The following PLB1 variants were observed in gnomAD, a reference collection of about 807,000 sequenced individuals.
PLB1 encodes phospholipase B1, membrane-associated.
Under a neutral mutation model 227.4 loss-of-function variants are expected in PLB1, and 242 were observed. That is an observed-to-expected ratio of 1.06 (90% CI 0.96 to 1.18). The LOEUF (loss-of-function observed/expected upper bound fraction) is 1.18. PLB1 is among the 50% of genes most tolerant of loss of function. The pLI is 0.00. For synonymous variants in PLB1, 757 were observed against 682.2 expected (o/e 1.11, Z -1.71); for missense variants, 1,858 against 1,816.3 (o/e 1.02, Z -0.42).
intron 43 of PLB1, among the ~76,000 whole-genome samples, chr2:28,612,212 A>AT (rs1355249313): frequency 1.3e-5 from 2 of 152,156 alleles, no homozygotes; most frequent in African/African-American, 2.4e-5. Flanking sequence ...AGACCAGGGA[A>AT]AGGGGAGACT....
intron 41 of PLB1, among the ~76,000 whole-genome samples, chr2:28,605,299 A>C (rs1033778649): frequency 6.6e-6 from 1 of 152,144 alleles, no homozygotes; most frequent in African/African-American, 2.4e-5. Context: ...GTGAGGACTG[A>C]GGTCTGTCCC....
chr2:28,522,110 A>T (rs181875796), intron 4 of PLB1, among the ~76,000 whole-genome samples: 1 of 147,476 alleles, frequency 6.8e-6, no homozygotes, highest in African/African-American at 2.5e-5. Context: ...CTTGGCTTGG[A>T]CTCCCTGCCC....
rs962406646 is a variant in PLB1, at chr2:28,640,981, A to T, written c.4153A>T (p.Lys1385Ter). ...CAACAACTTCACCCACAGCCGAGCC[A>T]AACTCAAGTGCCCCTCTCCTGTGAG... ...TSNNFTHSRAKLKCPSPESPY... is the reference protein window; with the variant it reads ...TSNNFTHSRA The change falls in exon 57 of 58, where the codon AAA (lysine) becomes TAA (stop). Residue 1385 changes from lysine (K) to a stop codon, truncating the protein, a stop_gained. Coordinates refer to ENST00000327757, the MANE Select transcript of PLB1 (RefSeq NM_153021.5). LOFTEE classifies it low-confidence loss of function (END_TRUNC). The T allele has an allele frequency of 6.2e-7, 1 of 1,613,726 alleles. No individual in the cohort carries two copies. The highest frequency in any genetic ancestry group is 1.3e-5 in the African/African-American group (1 of 74,920).
chr2:28,581,095 A>AT (rs1679855241), intron 23 of PLB1, among the ~76,000 whole-genome samples: 1 of 152,176 alleles, frequency 6.6e-6, no homozygotes, highest in Non-Finnish European at 1.5e-5. Flanking sequence ...CATATGTTCC[A>AT]TACAGCAGGG....
intron 42 of PLB1, among the ~76,000 whole-genome samples, chr2:28,606,288 C>T (rs1365086485): frequency 1.3e-5 from 2 of 152,198 alleles, no homozygotes; most frequent in East Asian, 1.9e-4. Flanking sequence ...GCTAGAGAAG[C>T]ATGACGAGTC....
intron 53 of PLB1, among the ~76,000 whole-genome samples, chr2:28,629,731 T>C (rs908354397): frequency 6.6e-6 from 1 of 152,170 alleles, no homozygotes. Flanking sequence ...TCTTATTCCA[T>C]CCTTGATGGG....
At chr2:28,501,519 TAA>T (rs1166366952) in intron 1 of PLB1, among the ~76,000 whole-genome samples, 1 of 152,204 alleles carries the variant, frequency 6.6e-6, no homozygotes, top group Non-Finnish European at 1.5e-5. Flanking sequence ...TGCTTTTTAC[TAA>T]GTCTTTTCAA....
Position 28,548,910 on chromosome 2 carries a change from G to C in PLB1, c.987G>C (p.Arg329Ser). The C allele has an allele frequency of 6.2e-7, 1 of 1,614,000 alleles. No individual in the cohort carries two copies. Among genetic ancestry groups the C allele is most frequent in the Non-Finnish European group, 8.5e-7 (1 of 1,179,992 alleles). ...AGCCATTGAGTGTAAAACACGGGAG[G>C]CCAATGAAGTGTCCCTCTCAGGTAG... ...KDEPLSVKHG[R>S]PMKCPSQESP... The change falls in exon 15 of 58, where the codon AGG becomes AGC. Residue 329 changes from arginine to serine, a missense_variant. Arg to Ser is a moderately radical substitution (Grantham distance 110). Coordinates refer to ENST00000327757, the MANE Select transcript of PLB1 (RefSeq NM_153021.5).
At chr2:28,548,556 T>C (rs1673661264) in intron 14 of PLB1, 1 of 498,618 alleles carries the variant, frequency 2.0e-6, no homozygotes, top group Non-Finnish European at 4.0e-6. Context: ...AGCTTTTCCT[T>C]CTAGGAGAGG....
At chr2:28,540,612 A>G (rs1672352737) in intron 12 of PLB1, among the ~76,000 whole-genome samples, 171 bp downstream of exon 12, 1 of 152,200 alleles carries the variant, frequency 6.6e-6, no homozygotes, top group South Asian at 2.1e-4. Context: ...ACATCGTGGT[A>G]GTGATTTCAG....
chr2:28,543,824 G>A (rs907924622), intron 14 of PLB1, among the ~76,000 whole-genome samples: 1 of 152,214 alleles, frequency 6.6e-6, no homozygotes, highest in African/African-American at 2.4e-5. Context: ...CTGGCCTGTA[G>A]TAAGCACTCC....
rs561104382 is a variant in PLB1, at chr2:28,621,269, T to A, written c.3527+291T>A. 4.6e-5 allele frequency among the ~76,000 whole-genome samples: 7 copies of A among 152,176 alleles called. No homozygotes were observed. The East Asian group carries it at 1.4e-3, about 29-fold the overall frequency. On this transcript the variant is annotated intron_variant, in intron 49 of 57. Transcript: ENST00000327757. ...CTCTGACCACTGTGCTATTACCGCC[T>A]CTCCAGGGCAGCAGGAGGCGCACAT...
At chr2:28,587,332 A>G (rs1681065956) in intron 26 of PLB1, among the ~76,000 whole-genome samples, 1 of 152,152 alleles carries the variant, frequency 6.6e-6, no homozygotes, top group African/African-American at 2.4e-5. Flanking sequence ...AATCAAAATC[A>G]ATGCTGGGCG....
At chr2:28,536,268 A>G (rs1012653513) in intron 9 of PLB1, among the ~76,000 whole-genome samples, 3 of 152,220 alleles carry the variant, frequency 2.0e-5, no homozygotes, top group African/African-American at 4.8e-5. Context: ...AGGTGTGACA[A>G]TGACTCTGAA....
chr2:28,581,840 G>C lies in PLB1; in HGVS notation c.1567-228G>C, dbSNP rs11695041. Reference sequence around the variant, plus strand: ...GCCAGGTGTGGTGGCACGCACCCATGGTCCCAGTTACTTGGGAGGCTGAGG... The same window carrying C: ...GCCAGGTGTGGTGGCACGCACCCATCGTCCCAGTTACTTGGGAGGCTGAGG... On this transcript the variant is annotated intron_variant, in intron 23 of 57. Coordinates refer to ENST00000327757, the MANE Select transcript of PLB1 (RefSeq NM_153021.5). Among the ~76,000 whole-genome samples the C allele has an allele frequency of 4.3e-3, 649 of 151,950 alleles. 6 individuals are homozygous for C. Among genetic ancestry groups the C allele is most frequent in the Non-Finnish European group, 4.6e-3 (311 of 67,932 alleles).
At chr2:28,567,609 G>C (rs185742866) in intron 20 of PLB1, among the ~76,000 whole-genome samples, 1 of 151,598 alleles carries the variant, frequency 6.6e-6, no homozygotes, top group African/African-American at 2.4e-5. Flanking sequence ...GAGTAGCTGG[G>C]ACTACAGGCC....
intron 12 of PLB1, 74 bp from the exon 13 acceptor site, chr2:28,541,633 G>C (rs1414460131): frequency 1.8e-6 from 2 of 1,121,066 alleles, no homozygotes; most frequent in East Asian, 4.9e-5. Flanking sequence ...TGCCGAGAAT[G>C]ATTTGGTCAG....
chr2:28,537,347 G>A (rs1572829762), intron 9 of PLB1, among the ~76,000 whole-genome samples: 2 of 152,256 alleles, frequency 1.3e-5, no homozygotes, highest in East Asian at 3.9e-4. Context: ...CTGTTTGTTA[G>A]GGGACAAACT....
rs1283731808 is a variant in PLB1 at position 28,548,794 on chromosome 2, C to G, written c.937-66C>G. On this transcript the variant is annotated intron_variant, in intron 14 of 57. Coordinates refer to ENST00000327757, the MANE Select transcript of PLB1 (RefSeq NM_153021.5). ...CTGCTGGACTAATGAGTCTTTCTCA[C>G]TGGTGACTTGGCAGGCTGCTACCTG... is the stretch of plus-strand genomic sequence containing the variant. 6 of 1,491,528 alleles carry G rather than the reference C, an allele frequency of 4.0e-6. No individual in the cohort carries two copies. In the South Asian group the frequency reaches 5.7e-5, roughly 14 times the overall value. 92.4% of individuals were successfully genotyped at this position (1,491,528 alleles called of 1,614,324 possible).
Sources: allele counts gnomAD v4.1 joint callset (sites outside exome capture counted in the v4.1 genomes callset), GRCh38; gene constraint gnomAD v4.1.1; transcripts MANE v1.5; gene names NCBI Gene and HGNC (gene_info 2026-07-23, HGNC 2026-07-21).